The following EVC2 variants were observed in gnomAD, a reference collection of about 807,000 sequenced individuals.
The protein encoded by EVC2 is EvC ciliary complex subunit 2.
Under a neutral mutation model 149.3 loss-of-function variants are expected in EVC2, and 148 were observed. The ratio of observed to expected loss-of-function variants is 0.99; its 90% CI spans 0.87 to 1.14. The LOEUF is 1.14. EVC2 is among the 50% of genes most tolerant of loss of function. The pLI, the probability that EVC2 is intolerant of heterozygous loss-of-function variation, is 0.00. For synonymous variants in EVC2, 776 were observed against 649.9 expected, an observed-to-expected ratio of 1.19 and a Z score of -2.95; for missense variants, 1,854 against 1,627.3, an observed-to-expected ratio of 1.14 and a Z score of -2.40.
At position 5,708,389 on chromosome 4, in the gene EVC2, A is replaced by AG; in HGVS notation, c.124dup (p.Leu42ProfsTer14). 1 of 1,495,504 alleles carries AG rather than the reference A, an allele frequency of 6.7e-7. No homozygotes were observed. 92.6% of individuals were successfully genotyped at this position (1,495,504 alleles called of 1,614,324 possible). A position where few individuals can be genotyped will look rare whatever the true frequency, so the allele number is the denominator to read the frequency against. On this transcript the variant is annotated frameshift_variant, in exon 1 of 22. Transcript: ENST00000344408. LOFTEE classifies it high-confidence loss of function. The stretch of plus-strand genomic sequence containing the variant: ...GGGATCCCGGGGTGGCTGCGCGCCG[A>AG]GGGGGCGCCAGCGGGGACGTGAGCT...
intron 7 of EVC2, among the ~76,000 whole-genome samples, chr4:5,672,142 G>A (rs1030935001): frequency 5.3e-5 from 8 of 152,184 alleles, no homozygotes; most frequent in Admixed American, 1.3e-4. Flanking sequence ...AGAACTGGGG[G>A]AGGGAGGGGA....
intron 9 of EVC2, among the ~76,000 whole-genome samples, chr4:5,642,052 T>A (rs1467575714): frequency 1.7e-5 from 2 of 114,292 alleles, no homozygotes; most frequent in African/African-American, 7.1e-5. Context: ...TGGTTTTCTG[T>A]TCCTGTGTTA....
Position 5,693,298 on chromosome 4 carries a change from T to C in EVC2, c.450+1037A>G, listed in dbSNP as rs146257734. ...TTCTGATCCCCAGAACCTGTGTATG[T>C]GTCCTTATTTGGAAAAGAGGTCTCT... On this transcript the variant is annotated intron_variant, in intron 3 of 21. Coordinates refer to ENST00000344408, the MANE Select transcript of EVC2 (RefSeq NM_147127.5). Among the ~76,000 whole-genome samples the C allele has an allele frequency of 3.2e-3, 487 of 152,300 alleles. 4 individuals carry two copies. Among genetic ancestry groups the C allele is most frequent in the African/African-American group, 0.011 (456 of 41,558 alleles).
chr4:5,546,398 A>G (rs1316814813), intron 21 of EVC2, among the ~76,000 whole-genome samples: 2 of 152,204 alleles, frequency 1.3e-5, no homozygotes, highest in African/African-American at 4.8e-5. Flanking sequence ...AAAAATGATG[A>G]GTTCATGTCC....
At position 5,677,761 on chromosome 4, in the gene EVC2, T is replaced by C. The variant is rs964413951; in HGVS notation, c.870+3499A>G. On this transcript the variant is annotated intron_variant, in intron 7 of 21. Transcript: ENST00000344408. The surrounding 1 kb of genome is among the most constrained non-coding windows in gnomAD (Gnocchi z 4.3). ...GGATATTTACCTGTTGAGTGCCACC[T>C]ACAATGTACCGCACAGTGGGGGACA... 6.6e-6 allele frequency among the ~76,000 whole-genome samples: 1 copy of C among 152,198 alleles called. No individual in the cohort carries two copies. The highest frequency in any genetic ancestry group is 1.5e-5 in the Non-Finnish European group (1 of 68,044).
chr4:5,638,556 C>A (rs1717061788), intron 10 of EVC2, among the ~76,000 whole-genome samples: 1 of 152,040 alleles, frequency 6.6e-6, no homozygotes, highest in Non-Finnish European at 1.5e-5. Flanking sequence ...CTGGGCATTA[C>A]AGGGCAGTGT....
intron 16 of EVC2, among the ~76,000 whole-genome samples, chr4:5,604,058 A>G (rs1714199065): frequency 6.6e-6 from 1 of 152,288 alleles, no homozygotes; most frequent in African/African-American, 2.4e-5. Flanking sequence ...ACTCTTTCTG[A>G]GACTCAGTAT....
intron 9 of EVC2, among the ~76,000 whole-genome samples, chr4:5,662,347 C>T (rs943546333): frequency 2.6e-5 from 4 of 151,294 alleles, no homozygotes; most frequent in Admixed American, 6.6e-5. Flanking sequence ...CCCTGTGACA[C>T]GAGTTTACCT....
At chr4:5,639,687 C>A (rs1403559076) in intron 10 of EVC2, among the ~76,000 whole-genome samples, 2 of 152,188 alleles carry the variant, frequency 1.3e-5, no homozygotes, top group African/African-American at 2.4e-5. Flanking sequence ...AGAACTGTAA[C>A]CTAACAGGCT....
chr4:5,626,026 C>A (rs182929739), intron 12 of EVC2, 118 bp from the exon 13 acceptor site: 1 of 1,265,172 alleles, frequency 7.9e-7, no homozygotes, highest in East Asian at 2.3e-5. Context: ...AAAATCTTTA[C>A]CCTCCAGAAG....
Position 5,640,765 on chromosome 4 carries a change from T to G in EVC2, c.1219A>C (p.Ile407Leu), listed in dbSNP as rs1264397511. The change falls in exon 10 of 22, where the codon ATT becomes CTT. Residue 407 changes from isoleucine (I) to leucine (L), a missense_variant. Ile to Leu is a conservative substitution (Grantham distance 5). Transcript: ENST00000344408. The surrounding 1 kb of genome is among the most constrained non-coding windows in gnomAD (Gnocchi z 4.6). ...GTGAGATTTTTCAGCAGAAGGGCAA[T>G]GATATCCTTGCTGATTTGTGTTCGA... ...ACRTQISKDI[I>L]ALLLKNLTSS... The G allele has an allele frequency of 6.2e-7, 1 of 1,614,066 alleles. No individual in the cohort carries two copies. The highest frequency in any genetic ancestry group is 1.3e-5 in the African/African-American group (1 of 74,936).
intron 19 of EVC2, among the ~76,000 whole-genome samples, chr4:5,574,335 T>C (rs759482323): frequency 2.6e-5 from 4 of 152,224 alleles, no homozygotes; most frequent in Non-Finnish European, 5.9e-5. Context: ...CACTGATTGA[T>C]GGCTCTGGCC....
Position 5,631,967 on chromosome 4 carries a change from C to T in EVC2, c.1536G>A (p.Lys512=). 6.2e-7 allele frequency: 1 copy of T among 1,614,240 alleles called. No homozygotes were observed. The change falls in exon 11 of 22, where the codon AAG becomes AAA. Residue 512 remains lysine, a synonymous_variant. Transcript: ENST00000344408. ...CTTCTTCTTGTTGCAAAGCGAGAGA[C>T]TTCCTCAAGTGCTCCTGTTCCAGGC... ...LHGLEQEHLR[K]SLALQQEEDF...
In EVC2 at chr4:5,640,100, G is replaced by C. The variant is rs1004846093; in HGVS notation, c.1470+414C>G. On this transcript the variant is annotated intron_variant, in intron 10 of 21. Transcript: ENST00000344408. The surrounding 1 kb of genome is among the most constrained non-coding windows in gnomAD (Gnocchi z 4.6). ...AATGGGTAAATGGATGAGTGGATGGGTAGAAGGCTAGATGGGGAATAAGTG... is the reference window on the plus strand; with the variant it reads ...AATGGGTAAATGGATGAGTGGATGGCTAGAAGGCTAGATGGGGAATAAGTG... Among the ~76,000 whole-genome samples, 9 of 152,056 alleles carry C rather than the reference G, an allele frequency of 5.9e-5. No individual in the cohort carries two copies. Among genetic ancestry groups the C allele is most frequent in the Non-Finnish European group, 2.9e-5 (2 of 68,004 alleles).
intron 18 of EVC2, among the ~76,000 whole-genome samples, chr4:5,575,119 G>T (rs562723335): frequency 3.3e-5 from 5 of 152,104 alleles, no homozygotes; most frequent in South Asian, 4.1e-4. Flanking sequence ...AAGATCTGGG[G>T]TCTACACCCA....
the EVC2 span, among the ~76,000 whole-genome samples, chr4:5,532,721 A>C: frequency 2.6e-5 from 4 of 151,998 alleles, no homozygotes; most frequent in Admixed American, 2.6e-4. Flanking sequence ...TTAGCTGCTG[A>C]TATTTATTGG....
At chr4:5,573,880 C>A (rs1015585696) in intron 19 of EVC2, among the ~76,000 whole-genome samples, 2 of 152,116 alleles carry the variant, frequency 1.3e-5, no homozygotes, top group African/African-American at 4.8e-5. Context: ...TCTCAGGTTG[C>A]GAGGGAAACC....
intron 16 of EVC2, among the ~76,000 whole-genome samples, chr4:5,600,036 G>T (rs1316266792): frequency 6.6e-6 from 1 of 152,134 alleles, no homozygotes. Context: ...TTATCAAAGT[G>T]CAAATTCCCC....
Position 5,625,859 on chromosome 4 carries a change from G to C in EVC2, c.1936C>G (p.Gln646Glu). The C allele has an allele frequency of 6.2e-7, 1 of 1,614,010 alleles. No homozygotes were observed. Among genetic ancestry groups the C allele is most frequent in the African/African-American group, 1.3e-5 (1 of 74,998 alleles). ...DQMEMLLERA[Q>E]TEVFSIKQKL... ...TGCTTGATTGAAAAGACTTCTGTCTGAGCCCGCTCCAATAGCATTTCCATT... is the reference window on the plus strand; with the variant it reads ...TGCTTGATTGAAAAGACTTCTGTCTCAGCCCGCTCCAATAGCATTTCCATT... Residue 646 changes from glutamine to glutamate, a missense_variant, in exon 13 of 22, where the codon CAG becomes GAG. Coordinates refer to ENST00000344408, the MANE Select transcript of EVC2 (RefSeq NM_147127.5). The surrounding 1 kb of genome is among the most constrained non-coding windows in gnomAD (Gnocchi z 4.0).
Sources: gnomAD v4.1 joint callset for allele counts (sites outside exome capture counted in the v4.1 genomes callset) on GRCh38, gnomAD v4.1.1 for gene constraint, Gnocchi (gnomAD v3.1) non-coding constraint, MANE v1.5 for transcripts, NCBI Gene and HGNC (gene_info 2026-07-23, HGNC 2026-07-21) for gene names.